MYO5A: variants seen among roughly 807,000 people sequenced by gnomAD.
The protein encoded by MYO5A is unconventional myosin-Va.
A neutral mutation model predicts 249.7 loss-of-function variants in MYO5A; 98 were observed. The observed-to-expected ratio is 0.39, with a 90% CI of 0.33 to 0.46. The LOEUF is 0.46. MYO5A is among the 20% of genes least tolerant of loss of function. The pLI is 0.98. For synonymous variants in MYO5A, 778 were observed against 810.6 expected (o/e 0.96, Z 0.68); for missense variants, 1,696 against 2,308.8 (o/e 0.73, Z 5.44).
intron 31 of MYO5A, among the ~76,000 whole-genome samples, 156 bp from the exon 32 acceptor site, chr15:52,340,550 C>G (rs185280917): frequency 3.9e-5 from 6 of 152,298 alleles, no homozygotes; most frequent in African/African-American, 1.2e-4. Context: ...GAAACTAAAA[C>G]AAGAAGCAGA....
chr15:52,521,059 C>T (rs956681914), intron 1 of MYO5A, among the ~76,000 whole-genome samples: 6 of 152,042 alleles, frequency 3.9e-5, no homozygotes, highest in South Asian at 2.1e-4. Context: ...GAAACCCCAT[C>T]GCTACTAAAA....
At chr15:52,512,358 G>A (rs528567044) in intron 1 of MYO5A, among the ~76,000 whole-genome samples, 5 of 151,934 alleles carry the variant, frequency 3.3e-5, no homozygotes, top group South Asian at 2.1e-4. Context: ...AGTCCTTATC[G>A]CAGGGGTCTC....
At chr15:52,507,609 G>C (rs980269840) in intron 1 of MYO5A, among the ~76,000 whole-genome samples, 1 of 152,004 alleles carries the variant, frequency 6.6e-6, no homozygotes, top group African/African-American at 2.4e-5. Flanking sequence ...CTTTAGCCTA[G>C]GAGCAGACCA....
At chr15:52,356,773 C>T (rs1418262810) in intron 25 of MYO5A, among the ~76,000 whole-genome samples, 1 of 124,512 alleles carries the variant, frequency 8.0e-6, no homozygotes, top group East Asian at 2.1e-4. Flanking sequence ...TGGCACTTCG[C>T]TGTTGATTTA....
At chr15:52,433,401 A>C in intron 1 of MYO5A, 116 bp from the exon 2 acceptor site, 10 of 512,484 alleles carry the variant, frequency 2.0e-5, no homozygotes, top group East Asian at 1.2e-4. Flanking sequence ...ATCTTGGCCA[A>C]CATGAAATTC....
intron 12 of MYO5A, 58 bp downstream of exon 12, chr15:52,391,872 C>A: frequency 6.4e-7 from 1 of 1,558,502 alleles, no homozygotes; most frequent in Non-Finnish European, 8.8e-7. Flanking sequence ...ACCCACTTAT[C>A]TTCTGACCTT....
intron 4 of MYO5A, among the ~76,000 whole-genome samples, chr15:52,418,035 C>T (rs1346907020): frequency 6.6e-6 from 1 of 152,026 alleles, no homozygotes; most frequent in Non-Finnish European, 1.5e-5. Context: ...ACAAGGTCTA[C>T]AAAAATGAGT....
chr15:52,405,506 A>G, intron 8 of MYO5A, 113 bp from the exon 9 acceptor site: 1 of 795,478 alleles, frequency 1.3e-6, no homozygotes, highest in Non-Finnish European at 2.1e-6. Context: ...GATGTTGTGC[A>G]TATTATAATG....
Position 52,364,549 on chromosome 15 carries a change from C to G in MYO5A, c.3309+5G>C. On this transcript the variant is annotated splice_donor_5th_base_variant and intron_variant, in intron 24 of 41. Transcript: ENST00000399233. ...TTAAAAAAAAAACAAAAGTGTTTGA[C>G]TCACCACCATAAGGGTCATCTCTTC... The G allele has an allele frequency of 6.2e-7, 1 of 1,609,062 alleles. No individual in the cohort carries two copies. Among genetic ancestry groups the G allele is most frequent in the Non-Finnish European group, 8.5e-7 (1 of 1,178,318 alleles).
At chr15:52,431,483 T>C (rs1304751443) in intron 2 of MYO5A, among the ~76,000 whole-genome samples, 1 of 151,960 alleles carries the variant, frequency 6.6e-6, no homozygotes, top group Admixed American at 6.6e-5. Flanking sequence ...TACATATTAG[T>C]ATCTATCTAT....
At chr15:52,493,112 A>C (rs1010783594) in intron 1 of MYO5A, among the ~76,000 whole-genome samples, 4 of 152,208 alleles carry the variant, frequency 2.6e-5, no homozygotes, top group Non-Finnish European at 5.9e-5. Context: ...GTTAGTGAAC[A>C]TGTTTTGGAA....
rs370214696 is a variant in MYO5A at position 52,313,735 on chromosome 15, A to C, written c.5604T>G (p.Ile1868Met). 13 of 1,614,174 alleles carry C rather than the reference A, an allele frequency of 8.1e-6. No individual in the cohort carries two copies. The highest frequency in any genetic ancestry group is 1.0e-5 in the Non-Finnish European group (12 of 1,180,040). ...TGAAGCCCAGGCCGAGGCTGGCTGG[A>C]ATCTGGATGGTTTCTAGTGCGAGGG... ...PSSLALETIQIPASLGLGFIS... is the reference protein window; with the variant it reads ...PSSLALETIQMPASLGLGFIS... Residue 1868 changes from isoleucine (I) to methionine (M), a missense_variant, in exon 42 of 42, where the codon ATT becomes ATG. Ile to Met is a conservative substitution (Grantham distance 10). Transcript: ENST00000399233.
chr15:52,327,997 G>A lies in MYO5A; in HGVS notation c.4565C>T (p.Pro1522Leu). ...LVKNLILELK[P>L]RGVAVNLIPG... ...AATCAAATTGACTGCTACACCACGT[G>A]GCTTCAGTTCTAAAAAAGAAAAAAT... Residue 1522 changes from proline (P) to leucine (L), a missense_variant, in exon 36 of 42, where the codon CCA becomes CTA. Physicochemically the swap from Pro to Leu is moderately conservative, Grantham distance 98. Transcript: ENST00000399233. 1 of 1,612,994 alleles carries A rather than the reference G, an allele frequency of 6.2e-7. No individual in the cohort carries two copies. Among genetic ancestry groups the A allele is most frequent in the East Asian group, 2.2e-5 (1 of 44,856 alleles).
intron 1 of MYO5A, among the ~76,000 whole-genome samples, chr15:52,477,206 C>T (rs578078210): frequency 2.6e-5 from 4 of 152,274 alleles, no homozygotes; most frequent in Admixed American, 1.3e-4. Flanking sequence ...CTTGTGCATG[C>T]GTCACGTAGT....
intron 9 of MYO5A, among the ~76,000 whole-genome samples, chr15:52,398,082 A>G (rs996988027): frequency 4.6e-5 from 7 of 150,618 alleles, no homozygotes; most frequent in African/African-American, 1.7e-4. Flanking sequence ...GAAATCATCA[A>G]TAGGAAGGAT....
chr15:52,447,610 A>G (rs1425219388), intron 1 of MYO5A, among the ~76,000 whole-genome samples: 1 of 152,214 alleles, frequency 6.6e-6, no homozygotes, highest in Non-Finnish European at 1.5e-5. Context: ...AGACAGGAAG[A>G]TGAGGGAAAG....
rs1390431122 is a variant in MYO5A, at chr15:52,367,084, T to C, written c.3107A>G (p.Gln1036Arg). The C allele has an allele frequency of 1.2e-6, 2 of 1,613,860 alleles. No individual in the cohort carries two copies. Among genetic ancestry groups the C allele is most frequent in the Admixed American group, 3.3e-5 (2 of 60,014 alleles). ...GCGGTGATTGAGGGCTTCTTTTTCT[T>C]GCTTCAGCAAAGTATTTTCTTCCTT... ...NLKEENTLLK[Q>R]EKEALNHRIV... The change falls in exon 23 of 42, where the codon CAA becomes CGA. Residue 1036 changes from glutamine (Q) to arginine (R), a missense_variant. Transcript: ENST00000399233.
rs1388168164 is a variant in MYO5A at position 52,479,592 on chromosome 15, C to G, written c.28-46307G>C. Among the ~76,000 whole-genome samples the G allele has an allele frequency of 3.3e-5, 5 of 152,248 alleles. No individual in the cohort carries two copies. The East Asian group carries it at 9.6e-4, about 29-fold the overall frequency. On this transcript the variant is annotated intron_variant, in intron 1 of 41. Transcript: ENST00000399233. ...TGGAATACTTAAAAAAAAGTTAGGT[C>G]TGTATGTGCTGACATGGAAAGATAC...
chr15:52,319,493 C>T (rs567499693), intron 38 of MYO5A, 151 bp from the exon 39 acceptor site: 191 of 845,648 alleles, frequency 2.3e-4, no homozygotes, highest in African/African-American at 2.2e-3. Context: ...TTTGGGAGGC[C>T]GCCGAGGTGG....
Sources: allele counts gnomAD v4.1 joint callset (sites outside exome capture counted in the v4.1 genomes callset), GRCh38; gene constraint gnomAD v4.1.1; transcripts MANE v1.5; gene names NCBI Gene and HGNC (gene_info 2026-07-23, HGNC 2026-07-21).